The following KIF15 variants were observed in gnomAD, a reference collection of about 807,000 sequenced individuals.
The protein encoded by KIF15 is kinesin family member 15.
In KIF15, 140 loss-of-function variants were observed where a neutral mutation model predicts 190.6. That is an observed-to-expected ratio of 0.73 (90% CI 0.64 to 0.84). The LOEUF (loss-of-function observed/expected upper bound fraction) is 0.84, where lower values mean the gene tolerates loss of function less well. KIF15 is among the 40% of genes least tolerant of loss of function. KIF15 has a pLI of 0.00. For missense variants in KIF15, 1,372 were observed against 1,584.4 expected (o/e 0.87, Z 2.28); for synonymous variants, 528 against 551.3 (o/e 0.96, Z 0.59).
At chr3:44,865,251 T>C in intron 6 of KIF15, 2 of 1,600,982 alleles carry the variant, frequency 1.2e-6, no homozygotes, top group Non-Finnish European at 1.7e-6. Context: ...CATGTGGGAC[T>C]GTATCCTAGG....
At chr3:44,861,254 G>C (rs1341640299) in intron 6 of KIF15, among the ~76,000 whole-genome samples, 3 of 152,072 alleles carry the variant, frequency 2.0e-5, no homozygotes, top group Non-Finnish European at 4.4e-5. Flanking sequence ...GCCTCCCAAA[G>C]TGCTGGGATT....
Position 44,805,136 on chromosome 3 carries a change from G to A in KIF15, c.1797G>A (p.Lys599=), listed in dbSNP as rs1172290012. 1 of 1,612,796 alleles carries A rather than the reference G, an allele frequency of 6.2e-7. No homozygotes were observed. Among genetic ancestry groups the A allele is most frequent in the Admixed American group, 1.7e-5 (1 of 59,796 alleles). Residue 599 remains lysine, a synonymous_variant, in exon 15 of 35, where the codon AAG becomes AAA. Coordinates refer to ENST00000326047, the MANE Select transcript of KIF15 (RefSeq NM_020242.3). ...TTCAGACAGAGCTGAATAATTCAAA[G>A]CAAGAATATGAAGAATTCAAAGAAC... is the stretch of plus-strand genomic sequence containing the variant. ...LQIQTELNNS[K]QEYEEFKELT...
At chr3:44,783,952 G>C (rs1706283580) in intron 5 of KIF15, among the ~76,000 whole-genome samples, 1 of 152,026 alleles carries the variant, frequency 6.6e-6, no homozygotes, top group South Asian at 2.1e-4. Context: ...CCTGCTATTT[G>C]CATATCCACT....
At chr3:44,816,601 T>C (rs899791196) in intron 20 of KIF15, among the ~76,000 whole-genome samples, 2 of 152,308 alleles carry the variant, frequency 1.3e-5, no homozygotes, top group African/African-American at 4.8e-5. Context: ...TAGTATTCCA[T>C]GTGTATATGT....
chr3:44,816,036 C>CT (rs148281151), intron 20 of KIF15, among the ~76,000 whole-genome samples: 106 of 147,856 alleles, frequency 7.2e-4, no homozygotes, highest in African/African-American at 2.5e-3. Context: ...ATACATTTTT[C>CT]TTTTTTTTTT....
At chr3:44,838,778 G>A (rs765327122) in intron 27 of KIF15, among the ~76,000 whole-genome samples, 3 of 151,438 alleles carry the variant, frequency 2.0e-5, no homozygotes, top group Non-Finnish European at 2.9e-5. Flanking sequence ...TGGGGGACAG[G>A]AGGAATCCAC....
chr3:44,830,114 G>A, intron 25 of KIF15, 39 bp downstream of exon 25: 1 of 1,124,014 alleles, frequency 8.9e-7, no homozygotes, highest in Non-Finnish European at 1.3e-6. Context: ...ATTTGAGCAT[G>A]GGACACTTCA....
intron 18 of KIF15, 81 bp from the exon 19 acceptor site, chr3:44,812,994 A>G: frequency 1.1e-6 from 1 of 874,300 alleles, no homozygotes; most frequent in African/African-American, 1.8e-5. Context: ...CAAAAAAAAA[A>G]AAAGAAACAG....
chr3:44,801,818 A>G lies in KIF15; in HGVS notation c.1353A>G (p.Lys451=), dbSNP rs748758174. 2.5e-6 allele frequency: 4 copies of G among 1,608,590 alleles called. No individual in the cohort carries two copies. In the Admixed American group the frequency reaches 6.7e-5, roughly 27 times the overall value. ...QLEDLTLKKE[K]FIQSNKMIVK... is the part of the protein sequence containing the mutation. ...AAGACCTCACCCTCAAAAAGGAAAA[A>G]TTTATTCAATCTAATAAAATGATTG... is the stretch of plus-strand genomic sequence containing the variant. The change falls in exon 13 of 35, where the codon AAA becomes AAG. Residue 451 remains lysine (K), a synonymous_variant. Coordinates refer to ENST00000326047, the MANE Select transcript of KIF15 (RefSeq NM_020242.3).
intron 24 of KIF15, among the ~76,000 whole-genome samples, chr3:44,829,575 T>TATGTGTATG (rs1559575005): frequency 7.9e-6 from 1 of 126,160 alleles, no homozygotes; most frequent in African/African-American, 3.3e-5. Context: ...GTATATATTA[T>TATGTGTATG]ATATGTATAT....
intron 10 of KIF15, among the ~76,000 whole-genome samples, chr3:44,798,183 GAC>G (rs2125631387): frequency 1.3e-5 from 2 of 151,124 alleles, no homozygotes; most frequent in East Asian, 1.9e-4. Context: ...TTTTTTTTGA[GAC>G]ACAGTCTTGC....
At chr3:44,832,655 G>A (rs1459033657) in intron 26 of KIF15, among the ~76,000 whole-genome samples, 1 of 152,166 alleles carries the variant, frequency 6.6e-6, no homozygotes, top group Non-Finnish European at 1.5e-5. Context: ...GCTATTCCCA[G>A]TAATTTGTAT....
chr3:44,785,873 C>T (rs1706377494), intron 6 of KIF15, among the ~76,000 whole-genome samples: 1 of 152,102 alleles, frequency 6.6e-6, no homozygotes, highest in African/African-American at 2.4e-5. Context: ...GTGGAGGCCT[C>T]TAGGGTGCCT....
At chr3:44,852,371 G>A (rs371614727) in intron 34 of KIF15, 32 bp downstream of exon 34, 16 of 1,574,046 alleles carry the variant, frequency 1.0e-5, no homozygotes, top group African/African-American at 8.2e-5. Flanking sequence ...AATAAATTCT[G>A]TCTGGTTTAA....
At chr3:44,837,074 T>C (rs1698357523) in intron 26 of KIF15, among the ~76,000 whole-genome samples, 1 of 152,216 alleles carries the variant, frequency 6.6e-6, no homozygotes, top group African/African-American at 2.4e-5. Context: ...AATGTAACTT[T>C]CTTACGTTTT....
At position 44,816,574 on chromosome 3, in the gene KIF15, C is replaced by A. The variant is rs538163454; in HGVS notation, c.2549+1498C>A. 1.1e-4 allele frequency among the ~76,000 whole-genome samples: 16 copies of A among 152,272 alleles called. No individual in the cohort carries two copies. The East Asian group carries it at 2.9e-3, about 27-fold the overall frequency. ...GTCCCTGCAAAGGACATGAACTCAT[C>A]CTTTTTTATGGCTGCATAGTATTCC... On this transcript the variant is annotated intron_variant, in intron 20 of 34. Coordinates refer to ENST00000326047, the MANE Select transcript of KIF15 (RefSeq NM_020242.3).
chr3:44,797,518 C>T, intron 8 of KIF15, 33 bp from the exon 9 acceptor site: 1 of 1,605,380 alleles, frequency 6.2e-7, no homozygotes, highest in Non-Finnish European at 8.5e-7. Context: ...ACCAACGTAC[C>T]TAAATTTTTG....
chr3:44,812,657 T>C (rs1282009267), intron 18 of KIF15, among the ~76,000 whole-genome samples: 2 of 152,154 alleles, frequency 1.3e-5, no homozygotes, highest in East Asian at 3.9e-4. Context: ...TTTCTTCTGG[T>C]CAGAGACGTT....
chr3:44,812,275 A>G lies in KIF15; in HGVS notation c.2263A>G (p.Thr755Ala). The change falls in exon 18 of 35, where the codon ACC becomes GCC. Residue 755 changes from threonine to alanine, a missense_variant. Thr to Ala is a moderately conservative substitution (Grantham distance 58). Transcript: ENST00000326047. ...QHVDKLEHHS[T>A]QMQELFSSER... ...TGTTGACAAACTGGAACATCATTCT[A>G]CCCAAATGCAGGAGGTGAGACCAAG... 6.2e-7 allele frequency: 1 copy of G among 1,613,442 alleles called. No individual in the cohort carries two copies. The highest frequency in any genetic ancestry group is 8.5e-7 in the Non-Finnish European group (1 of 1,179,442).
Sources: gnomAD v4.1 joint callset for allele counts (sites outside exome capture counted in the v4.1 genomes callset) on GRCh38, gnomAD v4.1.1 for gene constraint, MANE v1.5 for transcripts, NCBI Gene and HGNC (gene_info 2026-07-23, HGNC 2026-07-21) for gene names.